Variants in NDC80 observed in about 807,000 individuals in gnomAD.
NDC80 encodes the protein kinetochore protein NDC80 homolog.
In NDC80, 69 loss-of-function variants were observed where a neutral mutation model predicts 89.3. The ratio of observed to expected loss-of-function variants is 0.77; its 90% CI spans 0.64 to 0.94. The LOEUF (loss-of-function observed/expected upper bound fraction) is 0.94. Ranked by LOEUF, NDC80 falls within the 40% of genes least tolerant of loss-of-function variation. The pLI is 0.00. For missense variants in NDC80, 593 were observed against 739.6 expected, an observed-to-expected ratio of 0.80 and a Z score of 2.30; for synonymous variants, 243 against 255.6, an observed-to-expected ratio of 0.95 and a Z score of 0.47.
Position 2,616,505 on chromosome 18 carries a change from G to A in NDC80, c.1860G>A (p.Ser620=), listed in dbSNP as rs772517003. ...AAGAATGCATGTCAGAAGATCTCTC[G>A]GAAAATATTAAAGAGATTAGAGATA... ...EYEECMSEDL[S]ENIKEIRDKY... is the part of the protein sequence containing the mutation. The change falls in exon 17 of 17, where the codon TCG becomes TCA. Residue 620 remains serine, a synonymous_variant. Transcript: ENST00000261597. 5.6e-5 allele frequency: 85 copies of A among 1,516,700 alleles called. No homozygotes were observed. Among genetic ancestry groups the A allele is most frequent in the Non-Finnish European group, 7.0e-5 (78 of 1,118,680 alleles). 94.0% of individuals were successfully genotyped at this position (1,516,700 alleles called of 1,614,324 possible).
At chr18:2,589,916 C>A in intron 9 of NDC80, 102 bp from the exon 10 acceptor site, 19 of 752,996 alleles carry the variant, frequency 2.5e-5, no homozygotes, top group East Asian at 1.3e-4. Context: ...AAACTCAAAT[C>A]TACCTTTCTC....
chr18:2,580,793 G>A (rs559713100), intron 6 of NDC80, among the ~76,000 whole-genome samples: 104 of 126,562 alleles, frequency 8.2e-4, no homozygotes, highest in African/African-American at 2.7e-3. Context: ...CTGGGCTGGA[G>A]TGCAGTGGCA....
chr18:2,585,946 GTTTAT>G (rs531424384), intron 7 of NDC80, among the ~76,000 whole-genome samples: 200 of 152,166 alleles, frequency 1.3e-3, no homozygotes, highest in Non-Finnish European at 2.2e-3. Flanking sequence ...TGGATAGGTT[GTTTAT>G]TTTGTTTTGA....
intron 12 of NDC80, among the ~76,000 whole-genome samples, chr18:2,600,569 C>G (rs3786406): frequency 0.2 from 30,919 of 151,380 alleles, 3,545 homozygotes; most frequent in South Asian, 0.27. Context: ...GATCACGCCA[C>G]TGCACTCCAG....
At chr18:2,591,892 T>C (rs185102185) in intron 10 of NDC80, among the ~76,000 whole-genome samples, 1 of 151,788 alleles carries the variant, frequency 6.6e-6, no homozygotes, top group Admixed American at 6.6e-5. Flanking sequence ...GTAGCTGGGA[T>C]TACAGGTGCA....
chr18:2,579,616 G>A (rs774911542), intron 6 of NDC80, among the ~76,000 whole-genome samples: 1 of 151,694 alleles, frequency 6.6e-6, no homozygotes, highest in East Asian at 1.9e-4. Context: ...TAGTAGAGAC[G>A]GGGTTCCACC....
intron 13 of NDC80, among the ~76,000 whole-genome samples, chr18:2,602,849 C>A (rs1444263932): frequency 6.6e-6 from 1 of 152,018 alleles, no homozygotes; most frequent in Non-Finnish European, 1.5e-5. Context: ...GGGGATGCAA[C>A]TGAAAATGTT....
chr18:2,574,902 G>A, intron 2 of NDC80, 87 bp from the exon 3 acceptor site: 1 of 788,478 alleles, frequency 1.3e-6, no homozygotes, highest in Non-Finnish European at 2.1e-6. Context: ...TAGTGGGGAA[G>A]AGTTGTTGGT....
chr18:2,601,775 TA>T (rs1319975912), intron 13 of NDC80, among the ~76,000 whole-genome samples: 1 of 152,150 alleles, frequency 6.6e-6, no homozygotes, highest in Non-Finnish European at 1.5e-5. Flanking sequence ...ATTTTTATAC[TA>T]AAAGAGGCTT....
intron 10 of NDC80, 121 bp downstream of exon 10, chr18:2,590,283 C>T: frequency 9.7e-7 from 1 of 1,031,794 alleles, no homozygotes; most frequent in South Asian, 2.3e-5. Context: ...AGCAGGCTAC[C>T]AAGTTTTCAG....
In NDC80 at chr18:2,579,882, G is replaced by A. The variant is rs551872435; in HGVS notation, c.579+853G>A. 9.2e-5 allele frequency among the ~76,000 whole-genome samples: 14 copies of A among 152,204 alleles called. No individual in the cohort carries two copies. In the East Asian group the frequency reaches 2.7e-3, roughly 29 times the overall value. On this transcript the variant is annotated intron_variant, in intron 6 of 16. Transcript: ENST00000261597. ...GCATACCCATTTTTCCAAACTGTTA[G>A]CATTGTTGTTTTAAAATCTTTATCA...
chr18:2,575,115 C>T (rs1282758746), intron 3 of NDC80, 49 bp downstream of exon 3: 4 of 1,298,704 alleles, frequency 3.1e-6, no homozygotes, highest in Non-Finnish European at 4.4e-6. Flanking sequence ...TATAGCCATA[C>T]GTTGTTGCCC....
intron 10 of NDC80, chr18:2,594,160 G>C (rs942154047): frequency 1.3e-5 from 2 of 156,580 alleles, no homozygotes; most frequent in African/African-American, 2.4e-5. Context: ...TTCCCAAAGC[G>C]CTGGGATTAC....
chr18:2,576,639 T>A (rs771924879), intron 3 of NDC80, among the ~76,000 whole-genome samples: 1 of 152,182 alleles, frequency 6.6e-6, no homozygotes, highest in African/African-American at 2.4e-5. Context: ...AGGCTGCAGG[T>A]TGGAGAAGGA....
At chr18:2,582,035 T>C in intron 6 of NDC80, 1 of 145,994 alleles carries the variant, frequency 6.8e-6, no homozygotes, top group Non-Finnish European at 1.5e-5. Context: ...TGTTTTTGTT[T>C]TTTCGTTCTA....
chr18:2,595,229 T>TTATATA (rs60668754), intron 10 of NDC80, among the ~76,000 whole-genome samples, 187 bp from the exon 11 acceptor site: 2,763 of 146,530 alleles, frequency 0.019, 77 homozygotes, highest in African/African-American at 0.062. Flanking sequence ...ACTTTGAAAT[T>TTATATA]TATATATATA....
Position 2,616,423 on chromosome 18 carries a change from A to AT in NDC80, c.1792-12dup. ...ATTTTTTTTACTTTAACAATTGTTA[A>AT]TTCTCTTCACTAGAAACATCTTGAG... On this transcript the variant is annotated splice_polypyrimidine_tract_variant and intron_variant, in intron 16 of 16. Coordinates refer to ENST00000261597, the MANE Select transcript of NDC80 (RefSeq NM_006101.3). 1 of 1,446,822 alleles carries AT rather than the reference A, an allele frequency of 6.9e-7. No individual in the cohort carries two copies. Among genetic ancestry groups the AT allele is most frequent in the Non-Finnish European group, 9.3e-7 (1 of 1,075,964 alleles). 89.6% of individuals were successfully genotyped at this position (1,446,822 alleles called of 1,614,324 possible). A position where few individuals can be genotyped will look rare whatever the true frequency, so the allele number is the denominator to read the frequency against.
rs557594275 is a variant in NDC80 at position 2,608,486 on chromosome 18, A to T, written c.1558-214A>T. ...CTCCCAAAGTGCTGGGATGACGGGC[A>T]TGAGCCACCATGCCCAGCCGCATTT... is the stretch of plus-strand genomic sequence containing the variant. On this transcript the variant is annotated intron_variant, in intron 14 of 16. Coordinates refer to ENST00000261597, the MANE Select transcript of NDC80 (RefSeq NM_006101.3). Among the ~76,000 whole-genome samples the T allele has an allele frequency of 1.1e-4, 17 of 152,250 alleles. No homozygotes were observed. In the South Asian group the frequency reaches 3.3e-3, roughly 30 times the overall value.
intron 10 of NDC80, among the ~76,000 whole-genome samples, chr18:2,593,354 C>A (rs2072637770): frequency 6.6e-6 from 1 of 152,108 alleles, no homozygotes; most frequent in Non-Finnish European, 1.5e-5. Context: ...AAATTATATT[C>A]TTATGCAGGA....
Sources: gnomAD v4.1 joint callset for allele counts (sites outside exome capture counted in the v4.1 genomes callset) on GRCh38, gnomAD v4.1.1 for gene constraint, MANE v1.5 for transcripts, NCBI Gene and HGNC (gene_info 2026-07-23, HGNC 2026-07-21) for gene names.